Variants in KIAA1958 observed in about 807,000 individuals in gnomAD.
KIAA1958 encodes the protein KIAA1958.
KIAA1958 carries 14 observed loss-of-function variants against 47.2 expected under a neutral mutation model. The ratio of observed to expected loss-of-function variants is 0.30; its 90% CI spans 0.20 to 0.46. The LOEUF (loss-of-function observed/expected upper bound fraction) is 0.46, where lower values mean the gene tolerates loss of function less well. KIAA1958 is among the 20% of genes least tolerant of loss of function. KIAA1958 has a pLI of 1.00. For synonymous variants in KIAA1958, 354 were observed against 353.3 expected, an observed-to-expected ratio of 1.00 and a Z score of -0.02; for missense variants, 803 against 909.2, an observed-to-expected ratio of 0.88 and a Z score of 1.50.
At position 112,532,505 on chromosome 9, in the gene KIAA1958, A is replaced by G. The variant is rs137908135; in HGVS notation, c.-24-41552A>G. The stretch of plus-strand genomic sequence containing the variant: ...TCACTAGGAAATATCATTGCATGCA[A>G]GAGAATAGGGACTGGAGTGATCCTT... On this transcript the variant is annotated intron_variant, in intron 1 of 3. Coordinates refer to ENST00000337530, the MANE Select transcript of KIAA1958 (RefSeq NM_133465.4). Among the ~76,000 whole-genome samples, 729 of 152,288 alleles carry G rather than the reference A, an allele frequency of 4.8e-3. 4 individuals carry two copies. The highest frequency in any genetic ancestry group is 7.7e-3 in the Non-Finnish European group (527 of 68,026).
chr9:112,591,683 A>G (rs1223838320), intron 2 of KIAA1958, among the ~76,000 whole-genome samples: 2 of 151,966 alleles, frequency 1.3e-5, no homozygotes, highest in African/African-American at 4.8e-5. Context: ...GCTTGAGCCC[A>G]GGAGTTTGAG....
chr9:112,607,504 T>C (rs1306309937), intron 2 of KIAA1958, among the ~76,000 whole-genome samples: 1 of 152,034 alleles, frequency 6.6e-6, no homozygotes, highest in African/African-American at 2.4e-5. Flanking sequence ...CCCTGTGCCC[T>C]GTTTGACACC....
chr9:112,660,049 T>A lies in KIAA1958; in HGVS notation c.2131T>A (p.Ser711Thr), dbSNP rs201069933. Residue 711 changes from serine to threonine, a missense_variant, in exon 4 of 4, where the codon TCC (serine) becomes ACC (threonine). Transcript: ENST00000337530. ...CACTCAGGTCTCCCGGAGGCTTGGC[T>A]CCCACAGCTGCTGCCAGTGAGCCCC... ...SFTQVSRRLG[S>T]HSCCQ is the part of the protein sequence containing the mutation. The A allele has an allele frequency of 1.2e-6, 2 of 1,613,170 alleles. No homozygotes were observed. Among genetic ancestry groups the A allele is most frequent in the Non-Finnish European group, 8.5e-7 (1 of 1,179,966 alleles).
rs944985507 is a variant in KIAA1958, at chr9:112,508,655, A to G, written c.-25+21537A>G. ...CCTGCATATGTACAATGCCAGAAGG[A>G]TGGTTAAAATCAGATTCAGCCTAGC... On this transcript the variant is annotated intron_variant, in intron 1 of 3. Coordinates refer to ENST00000337530, the MANE Select transcript of KIAA1958 (RefSeq NM_133465.4). Among the ~76,000 whole-genome samples the G allele has an allele frequency of 4.6e-5, 7 of 152,250 alleles. 1 individual carries two copies. The South Asian group carries it at 1.4e-3, about 32-fold the overall frequency.
At chr9:112,603,853 T>C (rs764312767) in intron 2 of KIAA1958, among the ~76,000 whole-genome samples, 1 of 152,244 alleles carries the variant, frequency 6.6e-6, no homozygotes, top group African/African-American at 2.4e-5. Context: ...GATTTCTTTT[T>C]ACTTTTCAAA....
At chr9:112,571,827 T>G (rs527537153) in intron 1 of KIAA1958, among the ~76,000 whole-genome samples, 1 of 132,084 alleles carries the variant, frequency 7.6e-6, no homozygotes, top group Admixed American at 7.3e-5. Context: ...AAAATAAAAA[T>G]AAAAATAAAA....
chr9:112,535,701 AG>A (rs1701694237), intron 1 of KIAA1958, among the ~76,000 whole-genome samples: 2 of 152,086 alleles, frequency 1.3e-5, no homozygotes, highest in Admixed American at 6.5e-5. Context: ...ACAGTGTACA[AG>A]GGTTCTCTTT....
chr9:112,645,928 T>TG, intron 3 of KIAA1958, 106 bp downstream of exon 3: 2 of 858,970 alleles, frequency 2.3e-6, no homozygotes, highest in Non-Finnish European at 3.4e-6. Context: ...GCTTTCTGCC[T>TG]GGGGAAACTT....
chr9:112,541,204 G>A (rs1007301255), intron 1 of KIAA1958, among the ~76,000 whole-genome samples: 12 of 152,088 alleles, frequency 7.9e-5, no homozygotes, highest in East Asian at 1.9e-4. Flanking sequence ...GGGAGTAAGC[G>A]TCCTTGTTTT....
chr9:112,640,369 A>G (rs181326487), intron 2 of KIAA1958, among the ~76,000 whole-genome samples: 11 of 152,052 alleles, frequency 7.2e-5, no homozygotes, highest in African/African-American at 2.7e-4. Context: ...GTGCCATGCA[A>G]TTGCCTCTTG....
intron 2 of KIAA1958, among the ~76,000 whole-genome samples, chr9:112,635,566 GGGTATAA>G (rs1836792212): frequency 6.6e-6 from 1 of 152,058 alleles, no homozygotes; most frequent in Non-Finnish European, 1.5e-5. Context: ...TTTCTCTAAT[GGGTATAA>G]GACTTTTCAA....
Position 112,569,418 on chromosome 9 carries a change from A to G in KIAA1958, c.-24-4639A>G, listed in dbSNP as rs140728400. 5.1e-3 allele frequency among the ~76,000 whole-genome samples: 773 copies of G among 152,356 alleles called. 6 individuals carry two copies. Among genetic ancestry groups the G allele is most frequent in the African/African-American group, 0.017 (695 of 41,580 alleles). On this transcript the variant is annotated intron_variant, in intron 1 of 3. Transcript: ENST00000337530. ...AGTACATTGCTGGCTTCTTCAGGCA[A>G]TATGGCTTTAATTCATTAAAAGCTT...
At position 112,629,070 on chromosome 9, in the gene KIAA1958, C is replaced by G. The variant is rs567794529; in HGVS notation, c.1172-16580C>G. On this transcript the variant is annotated intron_variant, in intron 2 of 3. Coordinates refer to ENST00000337530, the MANE Select transcript of KIAA1958 (RefSeq NM_133465.4). ...GAATGCTGTATTCAACAAGGTCTTC[C>G]ATCCTTCTTATAAATCTTAAGACTG... is the stretch of plus-strand genomic sequence containing the variant. Among the ~76,000 whole-genome samples, 5 of 152,244 alleles carry G rather than the reference C, an allele frequency of 3.3e-5. No individual in the cohort carries two copies. The South Asian group carries it at 8.3e-4, about 25-fold the overall frequency.
intron 1 of KIAA1958, among the ~76,000 whole-genome samples, chr9:112,498,914 C>T: frequency 6.6e-6 from 1 of 152,176 alleles, no homozygotes; most frequent in South Asian, 2.1e-4. Context: ...CTCTTCCCAG[C>T]CTCTAACACA....
rs543052098 is a variant in KIAA1958 at position 112,581,156 on chromosome 9, G to A, written c.1171+5905G>A. On this transcript the variant is annotated intron_variant, in intron 2 of 3. Coordinates refer to ENST00000337530, the MANE Select transcript of KIAA1958 (RefSeq NM_133465.4). ...CTGCTGGCCTTGTGACCTTAGCTACGTCATTTCACTTCTCTGAAACTCAGT... is the reference window on the plus strand; with the variant it reads ...CTGCTGGCCTTGTGACCTTAGCTACATCATTTCACTTCTCTGAAACTCAGT... Among the ~76,000 whole-genome samples, 6 of 152,156 alleles carry A rather than the reference G, an allele frequency of 3.9e-5. No individual in the cohort carries two copies. In the South Asian group the frequency reaches 1.0e-3, roughly 26 times the overall value.
At chr9:112,647,651 T>TGAAATTTTGTTAAAAACAAAAA (rs1157963121) in intron 3 of KIAA1958, among the ~76,000 whole-genome samples, 2 of 152,222 alleles carry the variant, frequency 1.3e-5, no homozygotes. Context: ...AAAAACAAAT[T>TGAAATTTTGTTAAAAACAAAAA]GAAATTTCCA....
At chr9:112,594,705 C>G (rs892723883) in intron 2 of KIAA1958, among the ~76,000 whole-genome samples, 10 of 152,130 alleles carry the variant, frequency 6.6e-5, no homozygotes, top group African/African-American at 2.4e-4. Flanking sequence ...TATACAGGCT[C>G]TTGGGTGGAT....
chr9:112,603,585 C>G (rs1836173707), intron 2 of KIAA1958, among the ~76,000 whole-genome samples: 1 of 152,190 alleles, frequency 6.6e-6, no homozygotes, highest in African/African-American at 2.4e-5. Context: ...TCCTCTCCCT[C>G]TTTCTGAATT....
intron 1 of KIAA1958, among the ~76,000 whole-genome samples, chr9:112,496,909 GT>G (rs1269048246): frequency 6.6e-6 from 1 of 152,094 alleles, no homozygotes; most frequent in Non-Finnish European, 1.5e-5. Flanking sequence ...TGTAGGTTCT[GT>G]TTTTTGGGCA....
Sources: allele counts gnomAD v4.1 joint callset (sites outside exome capture counted in the v4.1 genomes callset), GRCh38; gene constraint gnomAD v4.1.1; transcripts MANE v1.5; gene names NCBI Gene and HGNC (gene_info 2026-07-23, HGNC 2026-07-21).